Variants in CHRM2 observed in about 807,000 individuals in gnomAD.
CHRM2 encodes muscarinic acetylcholine receptor M2.
CHRM2 carries 8 observed loss-of-function variants against 25.0 expected under a neutral mutation model. That is an observed-to-expected ratio of 0.32 (90% CI 0.19 to 0.58). The LOEUF (loss-of-function observed/expected upper bound fraction) is 0.58, where lower values mean the gene tolerates loss of function less well. Among genes scored for constraint, CHRM2 ranks in the 20% least tolerant of loss-of-function variants. CHRM2 has a pLI of 0.88. For missense variants in CHRM2, 440 were observed against 567.1 expected (o/e 0.78, Z 2.28); for synonymous variants, 202 against 205.7 (o/e 0.98, Z 0.15).
Position 136,982,331 on chromosome 7 carries a change from G to A in CHRM2, c.-124-9856G>A, listed in dbSNP as rs369660295. Among the ~76,000 whole-genome samples the A allele has an allele frequency of 4.1e-4, 62 of 152,160 alleles. 1 individual carries two copies. In the South Asian group the frequency reaches 0.012, roughly 29 times the overall value. On this transcript the variant is annotated intron_variant, in intron 2 of 3. Coordinates refer to ENST00000680005, the MANE Select transcript of CHRM2 (RefSeq NM_001006630.2). ...CTCCATCCTTTTATTTTGAGCCTAC[G>A]TGTGTCTTTGCCCATGAGATGGGTC...
chr7:136,943,482 C>T (rs944255014), intron 2 of CHRM2, among the ~76,000 whole-genome samples: 2 of 152,022 alleles, frequency 1.3e-5, no homozygotes, highest in Admixed American at 6.6e-5. Context: ...AGCCTAAGAC[C>T]CTTTGCATTA....
At chr7:136,969,866 T>C (rs324591) in intron 2 of CHRM2, among the ~76,000 whole-genome samples, 129,377 of 152,208 alleles carry the variant, frequency 0.85, 55,903 homozygotes, top group Middle Eastern at 0.97. Flanking sequence ...AACAAAATAC[T>C]ATAGACTGGG....
chr7:137,001,638 G>A (rs112703605), intron 3 of CHRM2, among the ~76,000 whole-genome samples: 1 of 152,238 alleles, frequency 6.6e-6, no homozygotes, highest in Non-Finnish European at 1.5e-5. Context: ...TGGCACACTG[G>A]AGAGGGCCTT....
intron 2 of CHRM2, among the ~76,000 whole-genome samples, chr7:136,987,688 G>A (rs529998546): frequency 2.7e-4 from 41 of 152,294 alleles, no homozygotes; most frequent in African/African-American, 9.9e-4. Flanking sequence ...CGGAGGCAAG[G>A]ATGCGTCAGT....
At chr7:136,911,836 G>A (rs7811061) in intron 2 of CHRM2, among the ~76,000 whole-genome samples, 34,922 of 151,806 alleles carry the variant, frequency 0.23, 5,022 homozygotes, top group Non-Finnish European at 0.32. Context: ...GCTTAAGGCA[G>A]CTTATTAGAT....
rs548428905 is a variant in CHRM2, at chr7:136,928,381, C to A, written c.-125+58963C>A. Reference sequence around the variant, plus strand: ...ATATGTAAAATATCTAGCATAGAGACTGGAAAGTAGTAGATGTTTAATAAT... The same window carrying A: ...ATATGTAAAATATCTAGCATAGAGAATGGAAAGTAGTAGATGTTTAATAAT... On this transcript the variant is annotated intron_variant, in intron 2 of 3. Transcript: ENST00000680005. Among the ~76,000 whole-genome samples, 7 of 152,188 alleles carry A rather than the reference C, an allele frequency of 4.6e-5. No individual in the cohort carries two copies. In the South Asian group the frequency reaches 1.5e-3, roughly 32 times the overall value.
chr7:136,953,131 T>C (rs1259693199), intron 2 of CHRM2, among the ~76,000 whole-genome samples: 1 of 152,162 alleles, frequency 6.6e-6, no homozygotes, highest in Non-Finnish European at 1.5e-5. Flanking sequence ...TTTCTGTCTT[T>C]AGGTCTTTGA....
At chr7:136,992,419 C>T (rs948391771) in intron 3 of CHRM2, among the ~76,000 whole-genome samples, 155 bp downstream of exon 3, 4 of 152,076 alleles carry the variant, frequency 2.6e-5, no homozygotes, top group Non-Finnish European at 5.9e-5. Context: ...TCTGGGTTGT[C>T]GTGTTAGGAT....
intron 2 of CHRM2, among the ~76,000 whole-genome samples, chr7:136,971,912 T>G (rs1465894496): frequency 4.6e-5 from 7 of 152,178 alleles, no homozygotes; most frequent in Non-Finnish European, 1.0e-4. Flanking sequence ...GGTGCTAATC[T>G]CTAAAGGGAG....
chr7:136,913,265 G>T (rs1335280016), intron 2 of CHRM2, among the ~76,000 whole-genome samples: 1 of 151,732 alleles, frequency 6.6e-6, no homozygotes, highest in Non-Finnish European at 1.5e-5. Context: ...TGAAAGATTT[G>T]AAATAAAAAT....
chr7:136,895,294 A>G (rs1262686720), intron 2 of CHRM2, among the ~76,000 whole-genome samples: 1 of 152,206 alleles, frequency 6.6e-6, no homozygotes, highest in Non-Finnish European at 1.5e-5. Context: ...AGGAGAATCT[A>G]TGTCCTAACA....
intron 2 of CHRM2, among the ~76,000 whole-genome samples, chr7:136,960,404 G>C (rs765349982): frequency 1.3e-5 from 2 of 152,192 alleles, no homozygotes; most frequent in African/African-American, 2.4e-5. Context: ...AGAGGAGCTA[G>C]ACACTGGGGA....
At chr7:136,946,387 A>T (rs1325318796) in intron 2 of CHRM2, among the ~76,000 whole-genome samples, 1 of 152,198 alleles carries the variant, frequency 6.6e-6, no homozygotes, top group African/African-American at 2.4e-5. Flanking sequence ...AGATACAATG[A>T]TACATAAAAC....
intron 3 of CHRM2, among the ~76,000 whole-genome samples, chr7:136,994,385 C>T (rs1027320569): frequency 2.6e-5 from 4 of 151,964 alleles, no homozygotes; most frequent in Non-Finnish European, 4.4e-5. Context: ...TATGACTTTG[C>T]CTTAAAAAAT....
intron 2 of CHRM2, among the ~76,000 whole-genome samples, chr7:136,933,207 A>G (rs1799215168): frequency 6.6e-6 from 1 of 152,222 alleles, no homozygotes; most frequent in Admixed American, 6.5e-5. Flanking sequence ...CTTCTAAAGA[A>G]ACTCTTACAG....
At chr7:137,014,347 G>A (rs1805028506) in intron 3 of CHRM2, among the ~76,000 whole-genome samples, 1 of 151,940 alleles carries the variant, frequency 6.6e-6, no homozygotes, top group Non-Finnish European at 1.5e-5. Context: ...GAAAGGCACT[G>A]TTAACTATAA....
chr7:136,879,733 A>G (rs1796188394), intron 2 of CHRM2, among the ~76,000 whole-genome samples: 1 of 151,910 alleles, frequency 6.6e-6, no homozygotes, highest in Admixed American at 6.6e-5. Context: ...CATCCTTAGA[A>G]TTCCTCTTTA....
chr7:136,917,372 A>T (rs1261866245), intron 2 of CHRM2, among the ~76,000 whole-genome samples: 2 of 151,938 alleles, frequency 1.3e-5, no homozygotes, highest in Admixed American at 1.3e-4. Flanking sequence ...AATAAGCTAC[A>T]TGCATCTCTT....
intron 2 of CHRM2, among the ~76,000 whole-genome samples, chr7:136,909,484 A>G (rs1027630781): frequency 1.5e-4 from 23 of 151,956 alleles, no homozygotes; most frequent in Admixed American, 1.1e-3. Context: ...TTTGTAGATG[A>G]GGACACTAAG....
Sources: allele counts gnomAD v4.1 joint callset (sites outside exome capture counted in the v4.1 genomes callset), GRCh38; gene constraint gnomAD v4.1.1; transcripts MANE v1.5; gene names NCBI Gene and HGNC (gene_info 2026-07-23, HGNC 2026-07-21).